Variants in CEACAM5 observed in about 807,000 individuals in gnomAD.
CEACAM5 encodes cell adhesion molecule CEACAM5.
A neutral mutation model predicts 63.0 loss-of-function variants in CEACAM5; 52 were observed. The ratio of observed to expected loss-of-function variants is 0.83; its 90% confidence interval spans 0.66 to 1.04. The LOEUF (loss-of-function observed/expected upper bound fraction) is 1.04. CEACAM5 is among the 50% of genes least tolerant of loss of function. The probability of loss-of-function intolerance (pLI) is 0.00; values close to 1 mark genes in which losing one functional copy is unlikely to be tolerated. For missense variants in CEACAM5, 790 were observed against 864.8 expected (o/e 0.91, Z 1.08); for synonymous variants, 357 against 351.3 (o/e 1.02, Z -0.18).
At chr19:41,708,840 G>T (rs781958989) in intron 1 of CEACAM5, 45 bp downstream of exon 1, 1 of 1,495,234 alleles carries the variant, frequency 6.7e-7, no homozygotes, top group African/African-American at 1.4e-5. Context: ...AGGGAGCTGG[G>T]GTCTCCTGGG....
At chr19:41,712,782 T>G (rs2072455997) in intron 2 of CEACAM5, among the ~76,000 whole-genome samples, 1 of 152,236 alleles carries the variant, frequency 6.6e-6, no homozygotes, top group African/African-American at 2.4e-5. Context: ...TGATCTTAGA[T>G]CTTTAGGCCA....
chr19:41,710,059 C>G lies in CEACAM5; in HGVS notation c.424+20C>G, dbSNP rs2072411848. 6.3e-7 allele frequency: 1 copy of G among 1,582,824 alleles called. No homozygotes were observed. The highest frequency in any genetic ancestry group is 1.3e-5 in the African/African-American group (1 of 74,354). On this transcript the variant is annotated intron_variant, in intron 2 of 9. Transcript: ENST00000221992. ...TATACCGTGAGTGATTCCCCCATGA[C>G]CTCTGGGTGTTGGGGGTCAGTTCTA... is the stretch of plus-strand genomic sequence containing the variant.
intron 3 of CEACAM5, 190 bp downstream of exon 3, chr19:41,715,439 C>T (rs782490825): frequency 1.8e-6 from 2 of 1,123,750 alleles, no homozygotes; most frequent in Admixed American, 1.9e-5. Flanking sequence ...AGGGGAGGGG[C>T]TGCTTCTGTC....
intron 5 of CEACAM5, 96 bp downstream of exon 5, chr19:41,717,829 A>G (rs764685020): frequency 1.5e-5 from 22 of 1,468,546 alleles, no homozygotes; most frequent in Admixed American, 9.1e-5. Flanking sequence ...CCAAGGACAG[A>G]GACTTTTACC....
At chr19:41,716,977 G>A (rs2072536785) in intron 4 of CEACAM5, among the ~76,000 whole-genome samples, 1 of 152,182 alleles carries the variant, frequency 6.6e-6, no homozygotes, top group Non-Finnish European at 1.5e-5. Context: ...CTAGTCTCCT[G>A]CACTATTTCT....
At chr19:41,727,664 C>T (rs1333720424) in intron 9 of CEACAM5, among the ~76,000 whole-genome samples, 3 of 152,142 alleles carry the variant, frequency 2.0e-5, no homozygotes, top group African/African-American at 7.2e-5. Flanking sequence ...TCCCATAAAC[C>T]TCAACAACTG....
intron 8 of CEACAM5, among the ~76,000 whole-genome samples, chr19:41,724,613 C>A (rs913346822): frequency 6.6e-6 from 1 of 152,262 alleles, no homozygotes; most frequent in Middle Eastern, 3.4e-3. Context: ...AAATGTCTTT[C>A]CATCTATTGA....
chr19:41,715,760 T>A lies in CEACAM5; in HGVS notation c.814T>A (p.Phe272Ile). ...ASNPPAQYSW[F>I]VNGTFQQSTQ... is the part of the protein sequence containing the mutation. The stretch of plus-strand genomic sequence containing the variant: ...TAACCCACCTGCACAGTACTCTTGG[T>A]TTGTCAATGGGACTTTCCAGCAATC... The change falls in exon 4 of 10, where the codon TTT (phenylalanine) becomes ATT (isoleucine). Residue 272 changes from phenylalanine (F) to isoleucine (I), a missense_variant. Phe to Ile is a conservative substitution (Grantham distance 21, BLOSUM62 0). Transcript: ENST00000221992. 6.2e-7 allele frequency: 1 copy of A among 1,614,184 alleles called. No individual in the cohort carries two copies. Among genetic ancestry groups the A allele is most frequent in the South Asian group, 1.1e-5 (1 of 91,080 alleles).
At chr19:41,717,876 C>T in intron 5 of CEACAM5, 143 bp downstream of exon 5, 1 of 1,130,326 alleles carries the variant, frequency 8.8e-7, no homozygotes, top group Non-Finnish European at 1.3e-6. Context: ...CCAGCAAATC[C>T]ATGCAGGCCC....
chr19:41,714,247 T>C (rs1041623456), intron 2 of CEACAM5, among the ~76,000 whole-genome samples: 5 of 152,104 alleles, frequency 3.3e-5, no homozygotes, highest in Admixed American at 6.6e-5. Flanking sequence ...AACATACATA[T>C]GGTTCTGCTG....
rs1555813320 is a variant in CEACAM5 at position 41,708,723 on chromosome 19, G to A, written c.-9G>A. On this transcript the variant is annotated 5_prime_UTR_variant, in exon 1 of 10. Coordinates refer to ENST00000221992, the MANE Select transcript of CEACAM5 (RefSeq NM_004363.6). ...TCCACAGAGGAGGACAGAGCAGACA[G>A]CAGAGACCATGGAGTCTCCCTCGGC... 6.2e-7 allele frequency: 1 copy of A among 1,609,082 alleles called. No individual in the cohort carries two copies. The highest frequency in any genetic ancestry group is 8.5e-7 in the Non-Finnish European group (1 of 1,177,294).
intron 8 of CEACAM5, among the ~76,000 whole-genome samples, chr19:41,722,158 G>T (rs1435653840): frequency 1.3e-5 from 2 of 151,972 alleles, no homozygotes; most frequent in Non-Finnish European, 2.9e-5. Flanking sequence ...AGCACTTTGG[G>T]AGGCCAAGGC....
At chr19:41,709,648 A>G in intron 1 of CEACAM5, 32 bp from the exon 2 acceptor site, 1 of 1,597,270 alleles carries the variant, frequency 6.3e-7, no homozygotes, top group Middle Eastern at 1.7e-4. Flanking sequence ...CATAGGTCCC[A>G]ATATTGACCG....
At chr19:41,715,980 A>C (rs1247032243) in intron 4 of CEACAM5, 76 bp downstream of exon 4, 1 of 1,541,186 alleles carries the variant, frequency 6.5e-7, no homozygotes, top group East Asian at 2.3e-5. Context: ...AGCCAGGAAG[A>C]CATTTTCTAT....
Position 41,710,214 on chromosome 19 carries a change from C to A in CEACAM5, c.424+175C>A, listed in dbSNP as rs887959639. On this transcript the variant is annotated intron_variant, in intron 2 of 9. Transcript: ENST00000221992. ...GACAAACTTCAACAGATCAGAATTC[C>A]TTTCCGGCATCCAGACCCTGCAGAC... is the stretch of plus-strand genomic sequence containing the variant. The A allele has an allele frequency of 2.0e-5, 21 of 1,033,152 alleles. No individual in the cohort carries two copies. In the East Asian group the frequency reaches 5.1e-4, roughly 25 times the overall value. The allele number at this position is 1,033,152 out of a possible 1,614,324, so 64.0% of individuals were successfully genotyped here. A position where few individuals can be genotyped will look rare whatever the true frequency, so the allele number is the denominator to read the frequency against.
intron 1 of CEACAM5, among the ~76,000 whole-genome samples, 164 bp from the exon 2 acceptor site, chr19:41,709,516 C>T (rs2072397247): frequency 6.7e-6 from 1 of 150,224 alleles, no homozygotes; most frequent in Admixed American, 6.7e-5. Context: ...AGGAGACACA[C>T]TGCTGACCTT....
intron 3 of CEACAM5, 80 bp downstream of exon 3, chr19:41,715,329 C>G (rs782453218): frequency 1.9e-6 from 3 of 1,578,452 alleles, no homozygotes; most frequent in Non-Finnish European, 2.6e-6. Flanking sequence ...CAGTCCCTCT[C>G]AGGTTCAAGT....
chr19:41,724,963 T>C (rs2072677786), intron 8 of CEACAM5, among the ~76,000 whole-genome samples: 1 of 152,220 alleles, frequency 6.6e-6, no homozygotes, highest in African/African-American at 2.4e-5. Flanking sequence ...CTTGCCTAAT[T>C]TCTCTGGCTA....
chr19:41,718,064 C>T, intron 5 of CEACAM5, 64 bp from the exon 6 acceptor site: 1 of 1,584,268 alleles, frequency 6.3e-7, no homozygotes, highest in Admixed American at 1.7e-5. Flanking sequence ...TGCCCTTTCA[C>T]AGACCAGGAG....
Sources: allele counts gnomAD v4.1 joint callset (sites outside exome capture counted in the v4.1 genomes callset), GRCh38; gene constraint gnomAD v4.1.1; transcripts MANE v1.5; gene names NCBI Gene and HGNC (gene_info 2026-07-23, HGNC 2026-07-21).